DCDC1: variants seen among roughly 807,000 people sequenced by gnomAD.
The protein encoded by DCDC1 is doublecortin domain containing 1.
A neutral mutation model predicts 178.3 loss-of-function variants in DCDC1; 200 were observed. The ratio of observed to expected loss-of-function variants is 1.12; its 90% CI spans 1.00 to 1.26. DCDC1 has a LOEUF of 1.26. Ranked by LOEUF, DCDC1 falls within the 50% of genes most tolerant of loss-of-function variation. The pLI, the probability that DCDC1 is intolerant of heterozygous loss-of-function variation, is 0.00. For synonymous variants in DCDC1, 690 were observed against 604.8 expected (o/e 1.14, Z -2.07); for missense variants, 1,983 against 1,749.2 (o/e 1.13, Z -2.38).
intron 36 of DCDC1, among the ~76,000 whole-genome samples, chr11:30,888,138 GAA>G (rs1285193758): frequency 7.1e-6 from 1 of 141,180 alleles, no homozygotes; most frequent in Non-Finnish European, 1.5e-5. Flanking sequence ...AAGAAAGAAA[GAA>G]AGAAAGAAAG....
chr11:31,182,694 A>G (rs1429564982), intron 9 of DCDC1, among the ~76,000 whole-genome samples: 3 of 152,218 alleles, frequency 2.0e-5, no homozygotes, highest in African/African-American at 7.2e-5. Context: ...TGCATCAACT[A>G]ACGGGCAAAA....
intron 2 of DCDC1, among the ~76,000 whole-genome samples, chr11:31,329,248 T>C (rs1011357535): frequency 3.9e-5 from 6 of 152,010 alleles, no homozygotes; most frequent in African/African-American, 1.2e-4. Flanking sequence ...ACCTAAGAGA[T>C]GGAGAGAGAC....
rs528953437 is a variant in DCDC1, at chr11:31,353,914, G to T, written c.-125+15783C>A. Among the ~76,000 whole-genome samples, 18 of 152,306 alleles carry T rather than the reference G, an allele frequency of 1.2e-4. No homozygotes were observed. The South Asian group carries it at 3.7e-3, about 32-fold the overall frequency. On this transcript the variant is annotated intron_variant, in intron 1 of 38. Coordinates refer to ENST00000684477, the MANE Select transcript of DCDC1 (RefSeq NM_001387274.1). The stretch of plus-strand genomic sequence containing the variant: ...ATGGAAATAGATAATCAGTCTCTAA[G>T]AAGTACATTGTAAGATTTTTCTTTT...
intron 20 of DCDC1, among the ~76,000 whole-genome samples, chr11:31,047,952 T>C (rs1284028713): frequency 1.3e-5 from 2 of 152,222 alleles, no homozygotes; most frequent in Non-Finnish European, 2.9e-5. Context: ...ATACTAACAA[T>C]AGCACATTAT....
At chr11:31,069,962 G>C (rs1233879067) in intron 18 of DCDC1, among the ~76,000 whole-genome samples, 1 of 152,150 alleles carries the variant, frequency 6.6e-6, no homozygotes, top group African/African-American at 2.4e-5. Flanking sequence ...GCAGTAATGG[G>C]CTTTGCTTCC....
chr11:31,048,777 A>C (rs1352316669), intron 20 of DCDC1, among the ~76,000 whole-genome samples: 1 of 152,212 alleles, frequency 6.6e-6, no homozygotes, highest in Non-Finnish European at 1.5e-5. Context: ...GAACGGCGTG[A>C]ACCCGGGAGG....
intron 20 of DCDC1, among the ~76,000 whole-genome samples, chr11:31,046,983 C>T (rs1954882799): frequency 6.6e-6 from 1 of 152,132 alleles, no homozygotes; most frequent in African/African-American, 2.4e-5. Flanking sequence ...AACTATCCTT[C>T]TTCTGGTTCC....
At chr11:31,347,506 C>T (rs1950874292) in intron 1 of DCDC1, among the ~76,000 whole-genome samples, 1 of 152,058 alleles carries the variant, frequency 6.6e-6, no homozygotes, top group African/African-American at 2.4e-5. Flanking sequence ...GCTCACAGAC[C>T]AAATTAACAT....
intron 21 of DCDC1, among the ~76,000 whole-genome samples, chr11:30,942,710 G>T (rs1947739516): frequency 6.6e-6 from 1 of 152,172 alleles, no homozygotes; most frequent in African/African-American, 2.4e-5. Flanking sequence ...GGTAGCATCT[G>T]CAGACATTGG....
rs535924686 is a variant in DCDC1, at chr11:30,916,986, G to A, written c.3336C>T (p.His1112=). ...CCTGCCAGGCATACCTGGGAAGTGT[G>A]TGACAAGCCTTCATTCGAAGATGAG... The part of the protein sequence containing the change: ...VRAHLRMKAC[H]TLPRYAWQET... The change falls in exon 26 of 39, where the codon CAC becomes CAT. Residue 1112 remains histidine, a synonymous_variant. Transcript: ENST00000684477. The A allele has an allele frequency of 1.4e-5, 23 of 1,609,954 alleles. No individual in the cohort carries two copies. Among genetic ancestry groups the A allele is most frequent in the Non-Finnish European group, 1.9e-5 (22 of 1,178,106 alleles).
At chr11:31,297,481 G>A (rs1281402807) in intron 6 of DCDC1, among the ~76,000 whole-genome samples, 1 of 151,930 alleles carries the variant, frequency 6.6e-6, no homozygotes, top group African/African-American at 2.4e-5. Context: ...GAGTAACTGG[G>A]ACAACAGGCG....
chr11:30,925,254 T>C (rs1946520118), intron 23 of DCDC1, 55 bp downstream of exon 23: 2 of 1,448,880 alleles, frequency 1.4e-6, no homozygotes, highest in Non-Finnish European at 1.9e-6. Flanking sequence ...GGGGATTCTT[T>C]CTTGGATGGG....
intron 38 of DCDC1, among the ~76,000 whole-genome samples, chr11:30,871,895 C>T (rs1250174204): frequency 6.6e-5 from 10 of 151,750 alleles, no homozygotes; most frequent in Admixed American, 6.6e-4. Flanking sequence ...TATATATACA[C>T]ATATATATAC....
chr11:31,118,914 A>C (rs1407112274), intron 11 of DCDC1, among the ~76,000 whole-genome samples: 1 of 152,184 alleles, frequency 6.6e-6, no homozygotes, highest in Non-Finnish European at 1.5e-5. Flanking sequence ...TCTTCAGCAC[A>C]TCTTGAAAAG....
At chr11:31,342,130 T>G (rs1202040681) in intron 1 of DCDC1, among the ~76,000 whole-genome samples, 1 of 152,218 alleles carries the variant, frequency 6.6e-6, no homozygotes, top group African/African-American at 2.4e-5. Flanking sequence ...TGGAGAACTT[T>G]CCTTTTGAAC....
chr11:30,973,717 T>C (rs1185209865), intron 20 of DCDC1, among the ~76,000 whole-genome samples: 1 of 152,158 alleles, frequency 6.6e-6, no homozygotes, highest in African/African-American at 2.4e-5. Flanking sequence ...TAAACATATA[T>C]GCACCCAACA....
At chr11:31,112,624 A>T (rs780586605) in intron 11 of DCDC1, among the ~76,000 whole-genome samples, 18 of 152,186 alleles carry the variant, frequency 1.2e-4, no homozygotes, top group South Asian at 4.1e-4. Context: ...CATGATGCAG[A>T]TCCTGTTGAA....
At chr11:30,937,822 G>A (rs1947371338) in intron 21 of DCDC1, among the ~76,000 whole-genome samples, 1 of 151,992 alleles carries the variant, frequency 6.6e-6, no homozygotes, top group South Asian at 2.1e-4. Flanking sequence ...AGCCTCTCAG[G>A]AAAACAACAA....
At chr11:30,969,373 C>T (rs1219039924) in intron 20 of DCDC1, among the ~76,000 whole-genome samples, 1 of 152,050 alleles carries the variant, frequency 6.6e-6, no homozygotes, top group Non-Finnish European at 1.5e-5. Flanking sequence ...GTGATGAGGC[C>T]TCAAACCAAG....
Sources: allele counts gnomAD v4.1 joint callset (sites outside exome capture counted in the v4.1 genomes callset), GRCh38; gene constraint gnomAD v4.1.1; transcripts MANE v1.5; gene names NCBI Gene and HGNC (gene_info 2026-07-23, HGNC 2026-07-21).